LRRTM4: variants seen among roughly 807,000 people sequenced by gnomAD.
The protein encoded by LRRTM4 is leucine-rich repeat transmembrane neuronal protein 4.
A neutral mutation model predicts 47.6 loss-of-function variants in LRRTM4; 25 were observed. That is an observed-to-expected ratio of 0.53 (90% CI 0.38 to 0.73). LRRTM4 has a LOEUF of 0.73. Ranked by LOEUF, LRRTM4 falls within the 30% of genes least tolerant of loss-of-function variation. The probability of loss-of-function intolerance (pLI) is 0.00; values close to 1 mark genes in which losing one functional copy is unlikely to be tolerated. For synonymous variants in LRRTM4, 311 were observed against 269.5 expected (o/e 1.15, Z -1.51); for missense variants, 638 against 713.4 (o/e 0.89, Z 1.20).
chr2:77,056,265 T>C (rs1056333375), intron 3 of LRRTM4, among the ~76,000 whole-genome samples: 2 of 152,164 alleles, frequency 1.3e-5, no homozygotes, highest in Admixed American at 1.3e-4. Context: ...AATAAATGCA[T>C]TGAAGAAGAT....
intron 3 of LRRTM4, among the ~76,000 whole-genome samples, chr2:77,075,300 G>C (rs1007671275): frequency 1.3e-5 from 2 of 152,182 alleles, no homozygotes; most frequent in Admixed American, 1.3e-4. Context: ...TAAATGTTAG[G>C]CTTAACCACA....
chr2:76,817,522 T>A (rs1408770445), intron 3 of LRRTM4, among the ~76,000 whole-genome samples: 1 of 151,942 alleles, frequency 6.6e-6, no homozygotes, highest in Non-Finnish European at 1.5e-5. Flanking sequence ...TATTTTTAAA[T>A]GAAATAATGG....
rs944287365 is a variant in LRRTM4 at position 76,748,293 on chromosome 2, T to C, written c.*402A>G. 6.1e-6 allele frequency: 1 copy of C among 164,558 alleles called. No homozygotes were observed. The highest frequency in any genetic ancestry group is 2.4e-5 in the African/African-American group (1 of 41,664). The allele number at this position is 164,558 out of a possible 1,614,324, so 10.2% of individuals were successfully genotyped here. Reference sequence around the variant, plus strand: ...CTAAAGAGGAAAACGGTTGTTTCCCTAGCTTCCCACCCACCCCTGTTTATT... The same window carrying C: ...CTAAAGAGGAAAACGGTTGTTTCCCCAGCTTCCCACCCACCCCTGTTTATT... On this transcript the variant is annotated 3_prime_UTR_variant, in exon 4 of 4. Transcript: ENST00000409884.
At position 76,788,846 on chromosome 2, in the gene LRRTM4, G is replaced by C. The variant is rs531721290; in HGVS notation, c.1552-39930C>G. On this transcript the variant is annotated intron_variant, in intron 3 of 3. Coordinates refer to ENST00000409884, the MANE Select transcript of LRRTM4 (RefSeq NM_001134745.3). ...TTATATTAAAATCTGTGATAATAATGATAAATGTTTTTGTGTCTATGGGGT... is the reference window on the plus strand; with the variant it reads ...TTATATTAAAATCTGTGATAATAATCATAAATGTTTTTGTGTCTATGGGGT... Among the ~76,000 whole-genome samples, 5 of 150,288 alleles carry C rather than the reference G, an allele frequency of 3.3e-5. No homozygotes were observed. In the East Asian group the frequency reaches 1.1e-3, roughly 32 times the overall value.
intron 3 of LRRTM4, among the ~76,000 whole-genome samples, chr2:76,855,893 A>G (rs1672134991): frequency 6.6e-6 from 1 of 152,176 alleles, no homozygotes; most frequent in Non-Finnish European, 1.5e-5. Flanking sequence ...GATAAAGCCC[A>G]CTCTGGAAGT....
intron 3 of LRRTM4, among the ~76,000 whole-genome samples, chr2:77,481,099 C>T (rs1677685483): frequency 6.6e-6 from 1 of 152,110 alleles, no homozygotes; most frequent in Non-Finnish European, 1.5e-5. Context: ...TTCACCCAGT[C>T]CTTACCTGGT....
At chr2:76,895,457 T>A (rs1005032597) in intron 3 of LRRTM4, among the ~76,000 whole-genome samples, 2 of 152,038 alleles carry the variant, frequency 1.3e-5, no homozygotes, top group Non-Finnish European at 2.9e-5. Context: ...ATATGATACA[T>A]CAAGCTAAAA....
At position 77,522,207 on chromosome 2, in the gene LRRTM4, T is replaced by C; in HGVS notation, c.-246A>G. 1 of 698,138 alleles carries C rather than the reference T, an allele frequency of 1.4e-6. No individual in the cohort carries two copies. The highest frequency in any genetic ancestry group is 2.7e-6 in the Non-Finnish European group (1 of 376,480). 43.2% of individuals were successfully genotyped at this position (698,138 alleles called of 1,614,324 possible). ...AAGCAAGTAGGCCTCCTGTGCTGTATGAGACCCCAGTTTAAAAGCTATGCA... is the reference window on the plus strand; with the variant it reads ...AAGCAAGTAGGCCTCCTGTGCTGTACGAGACCCCAGTTTAAAAGCTATGCA... On this transcript the variant is annotated 5_prime_UTR_variant, in exon 1 of 4. Transcript: ENST00000409884.
In LRRTM4 at chr2:76,868,342, T is replaced by C. The variant is rs141654213; in HGVS notation, c.1552-119426A>G. On this transcript the variant is annotated intron_variant, in intron 3 of 3. Coordinates refer to ENST00000409884, the MANE Select transcript of LRRTM4 (RefSeq NM_001134745.3). ...AGGTCTGAATCACATTTATTAAAATTTTAATAACATCTCTCTGCGGACATA... is the reference window on the plus strand; with the variant it reads ...AGGTCTGAATCACATTTATTAAAATCTTAATAACATCTCTCTGCGGACATA... Among the ~76,000 whole-genome samples the C allele has an allele frequency of 9.0e-3, 1,365 of 152,292 alleles. 33 individuals are homozygous for C. The highest frequency in any genetic ancestry group is 0.031 in the African/African-American group (1,296 of 41,540).
intron 3 of LRRTM4, among the ~76,000 whole-genome samples, chr2:77,284,709 T>C (rs1433927522): frequency 6.6e-6 from 1 of 152,136 alleles, no homozygotes; most frequent in African/African-American, 2.4e-5. Flanking sequence ...AGTCCTTCTG[T>C]GCTCCTTTCA....
chr2:76,791,254 G>A (rs1009379607), intron 3 of LRRTM4, among the ~76,000 whole-genome samples: 1 of 152,096 alleles, frequency 6.6e-6, no homozygotes, highest in Non-Finnish European at 1.5e-5. Context: ...GGTGGAAAAG[G>A]CTTCACAGAG....
chr2:77,214,016 A>G (rs1674368289), intron 3 of LRRTM4, among the ~76,000 whole-genome samples: 1 of 152,150 alleles, frequency 6.6e-6, no homozygotes, highest in Non-Finnish European at 1.5e-5. Context: ...CTGAAATATT[A>G]GGGACTCACA....
chr2:76,767,319 T>G (rs1189545397), intron 3 of LRRTM4, among the ~76,000 whole-genome samples: 1 of 152,186 alleles, frequency 6.6e-6, no homozygotes, highest in Non-Finnish European at 1.5e-5. Context: ...TTGCTAACAT[T>G]TATTGAGTGA....
chr2:77,259,247 G>A (rs1327379135), intron 3 of LRRTM4, among the ~76,000 whole-genome samples: 1 of 151,988 alleles, frequency 6.6e-6, no homozygotes, highest in Non-Finnish European at 1.5e-5. Flanking sequence ...GTATGACATT[G>A]AGCAAATTTT....
intron 3 of LRRTM4, among the ~76,000 whole-genome samples, chr2:77,139,202 G>A (rs1373334174): frequency 6.6e-6 from 1 of 152,134 alleles, no homozygotes; most frequent in Admixed American, 6.6e-5. Flanking sequence ...TATCCCTGAT[G>A]AACATTGATG....
intron 3 of LRRTM4, among the ~76,000 whole-genome samples, chr2:76,983,432 G>A (rs1404152825): frequency 6.6e-6 from 1 of 151,912 alleles, no homozygotes; most frequent in East Asian, 1.9e-4. Context: ...TCATGGTAGT[G>A]AATAAGTCTC....
intron 3 of LRRTM4, among the ~76,000 whole-genome samples, chr2:76,753,589 A>G (rs957313261): frequency 2.0e-5 from 3 of 152,040 alleles, no homozygotes; most frequent in Non-Finnish European, 4.4e-5. Context: ...ATTTTTTTCA[A>G]TTATAGGGGT....
intron 3 of LRRTM4, among the ~76,000 whole-genome samples, chr2:76,897,012 G>C (rs770357152): frequency 6.6e-6 from 1 of 151,886 alleles, no homozygotes; most frequent in Non-Finnish European, 1.5e-5. Flanking sequence ...AGAATATTCT[G>C]ATGAGGAAGC....
At chr2:77,463,542 T>A (rs1463006840) in intron 3 of LRRTM4, among the ~76,000 whole-genome samples, 1 of 152,084 alleles carries the variant, frequency 6.6e-6, no homozygotes, top group Non-Finnish European at 1.5e-5. Context: ...TCTAAGTGCA[T>A]TTTTACAATT....
Sources: allele counts gnomAD v4.1 joint callset (sites outside exome capture counted in the v4.1 genomes callset), GRCh38; gene constraint gnomAD v4.1.1; transcripts MANE v1.5; gene names NCBI Gene and HGNC (gene_info 2026-07-23, HGNC 2026-07-21).